The following ADGRB3 variants were observed in gnomAD, a reference collection of about 807,000 sequenced individuals.
ADGRB3 encodes adhesion G protein-coupled receptor B3.
Under a neutral mutation model 193.4 loss-of-function variants are expected in ADGRB3, and 37 were observed. The observed-to-expected ratio is 0.19, with a 90% CI of 0.15 to 0.25. ADGRB3 has a LOEUF of 0.25. Ranked by LOEUF, ADGRB3 falls within the 10% of genes least tolerant of loss-of-function variation. ADGRB3 has a pLI of 1.00. For missense variants in ADGRB3, 1,637 were observed against 1,852.9 expected, an observed-to-expected ratio of 0.88 and a Z score of 2.14; for synonymous variants, 690 against 644.2, an observed-to-expected ratio of 1.07 and a Z score of -1.08.
chr6:68,933,461 C>T lies in ADGRB3; in HGVS notation c.868+2792C>T, dbSNP rs568790720. 1.2e-4 allele frequency among the ~76,000 whole-genome samples: 18 copies of T among 152,082 alleles called. No homozygotes were observed. In the East Asian group the frequency reaches 1.4e-3, roughly 11 times the overall value. On this transcript the variant is annotated intron_variant, in intron 4 of 31. Coordinates refer to ENST00000370598, the MANE Select transcript of ADGRB3 (RefSeq NM_001704.3). ...ACGAAAAATTAGCTGGGTGTGGTGG[C>T]GCACACCTGTAATCTCAGCTACTCA...
chr6:68,893,347 G>A (rs1766131095), intron 3 of ADGRB3, among the ~76,000 whole-genome samples: 1 of 151,896 alleles, frequency 6.6e-6, no homozygotes, highest in African/African-American at 2.4e-5. Context: ...CACTAGGAAT[G>A]AAATTGATGG....
intron 20 of ADGRB3, among the ~76,000 whole-genome samples, chr6:69,280,363 G>T (rs1043286398): frequency 1.3e-5 from 2 of 152,058 alleles, no homozygotes; most frequent in African/African-American, 4.8e-5. Flanking sequence ...ACATATATTT[G>T]ATTTCAGTCT....
chr6:69,201,735 T>C (rs1278576325), intron 17 of ADGRB3, among the ~76,000 whole-genome samples: 1 of 152,124 alleles, frequency 6.6e-6, no homozygotes, highest in African/African-American at 2.4e-5. Context: ...ATTTTGTCTC[T>C]CCTTCCATGA....
At chr6:69,140,072 A>G (rs1199678655) in intron 17 of ADGRB3, among the ~76,000 whole-genome samples, 3 of 152,204 alleles carry the variant, frequency 2.0e-5, no homozygotes, top group Admixed American at 2.0e-4. Context: ...TAGAAAAAAA[A>G]TCTCTTACAA....
At chr6:68,752,518 C>T (rs1211775284) in intron 3 of ADGRB3, among the ~76,000 whole-genome samples, 1 of 152,108 alleles carries the variant, frequency 6.6e-6, no homozygotes, top group Non-Finnish European at 1.5e-5. Flanking sequence ...GGTGATCCAC[C>T]TGCCTCGGCC....
chr6:69,300,123 A>C (rs971507810), intron 20 of ADGRB3, among the ~76,000 whole-genome samples: 2 of 151,902 alleles, frequency 1.3e-5, no homozygotes, highest in Non-Finnish European at 2.9e-5. Context: ...GATTCATCAC[A>C]ATCAAGTGAG....
At chr6:69,166,239 C>T (rs1053333453) in intron 17 of ADGRB3, among the ~76,000 whole-genome samples, 2 of 151,938 alleles carry the variant, frequency 1.3e-5, no homozygotes, top group Non-Finnish European at 2.9e-5. Context: ...GTGAGTATGA[C>T]AAAAACCACA....
chr6:69,297,368 T>TCTCTTTC lies in ADGRB3; in HGVS notation c.2815-27504_2815-27503insCTCTTTC, dbSNP rs1767846054. ...TCTCTCTCTCTCTCTCTCTCTCTCT[T>TCTCTTTC]TCTCTCTCTCTCTCTCTCTCTCTAT... On this transcript the variant is annotated intron_variant, in intron 20 of 31. Coordinates refer to ENST00000370598, the MANE Select transcript of ADGRB3 (RefSeq NM_001704.3). Among the ~76,000 whole-genome samples, 107 of 97,632 alleles carry TCTCTTTC rather than the reference T, an allele frequency of 1.1e-3. 1 individual carries two copies. The highest frequency in any genetic ancestry group is 3.5e-3 in the African/African-American group (90 of 25,400). The allele number at this position is 97,632 out of a possible 152,430, so 64.1% of individuals were successfully genotyped here.
intron 30 of ADGRB3, among the ~76,000 whole-genome samples, chr6:69,379,312 C>T (rs529817452): frequency 9.9e-5 from 15 of 151,860 alleles, no homozygotes; most frequent in African/African-American, 2.2e-4. Context: ...CTTTAAAAAA[C>T]GGGTGCTTAA....
At position 69,352,043 on chromosome 6, in the gene ADGRB3, G is replaced by A. The variant is rs192615187; in HGVS notation, c.3460-2190G>A. 2.0e-4 allele frequency among the ~76,000 whole-genome samples: 30 copies of A among 152,250 alleles called. No homozygotes were observed. The East Asian group carries it at 4.8e-3, about 24-fold the overall frequency. On this transcript the variant is annotated intron_variant, in intron 26 of 31. Coordinates refer to ENST00000370598, the MANE Select transcript of ADGRB3 (RefSeq NM_001704.3). The stretch of plus-strand genomic sequence containing the variant: ...CTTTCTTTAATAGTTGCCTTGAGGT[G>A]CAAACAGAAAGTTAATATGTACCTA...
chr6:68,817,789 C>T (rs1430428442), intron 3 of ADGRB3, among the ~76,000 whole-genome samples: 2 of 152,060 alleles, frequency 1.3e-5, no homozygotes, highest in Admixed American at 6.6e-5. Context: ...CAACTAAAAA[C>T]AGTGGTATTG....
intron 19 of ADGRB3, among the ~76,000 whole-genome samples, chr6:69,238,734 C>G (rs985813154): frequency 6.6e-6 from 1 of 151,524 alleles, no homozygotes; most frequent in Non-Finnish European, 1.5e-5. Flanking sequence ...TATGATAATG[C>G]TAAACATACA....
intron 3 of ADGRB3, among the ~76,000 whole-genome samples, chr6:68,912,038 G>C (rs941556143): frequency 2.6e-5 from 4 of 152,072 alleles, no homozygotes; most frequent in African/African-American, 9.7e-5. Flanking sequence ...GTATGATTCA[G>C]TTGTGACCTT....
At position 69,060,220 on chromosome 6, in the gene ADGRB3, TTCTCTC is replaced by T. The variant is rs556453350; in HGVS notation, c.2334-2689_2334-2684del. On this transcript the variant is annotated intron_variant, in intron 15 of 31. Transcript: ENST00000370598. ...TCTCTTTCTCTGTCTCTCTCTCTCT[TTCTCTC>T]TCTCTCTCTCTCTCTCTCTCTCTCC... Among the ~76,000 whole-genome samples the T allele has an allele frequency of 8.4e-4, 109 of 129,634 alleles. 4 individuals carry two copies. In the South Asian group the frequency reaches 0.022, roughly 26 times the overall value. 85.0% of individuals were successfully genotyped at this position (129,634 alleles called of 152,430 possible).
chr6:69,073,600 G>GGA (rs1772142920), intron 16 of ADGRB3, among the ~76,000 whole-genome samples: 1 of 152,148 alleles, frequency 6.6e-6, no homozygotes, highest in Admixed American at 6.5e-5. Flanking sequence ...CAGGAGAGAA[G>GGA]GGGCCAGGCT....
At chr6:69,000,429 C>A (rs945013442) in intron 11 of ADGRB3, among the ~76,000 whole-genome samples, 2 of 152,162 alleles carry the variant, frequency 1.3e-5, no homozygotes, top group Non-Finnish European at 1.5e-5. Context: ...GATGCACTAA[C>A]ATTGAACTCA....
intron 8 of ADGRB3, among the ~76,000 whole-genome samples, chr6:68,970,629 T>C (rs747703774): frequency 3.3e-5 from 5 of 152,184 alleles, no homozygotes; most frequent in Non-Finnish European, 7.3e-5. Flanking sequence ...TTATGCACCA[T>C]TGGTTCTTCT....
chr6:68,844,568 A>G (rs1350878806), intron 3 of ADGRB3, among the ~76,000 whole-genome samples: 2 of 152,208 alleles, frequency 1.3e-5, no homozygotes, highest in Non-Finnish European at 2.9e-5. Context: ...TATGATCACT[A>G]TGGAGAGCAG....
chr6:69,300,534 T>C (rs1286823144), intron 20 of ADGRB3, among the ~76,000 whole-genome samples: 2 of 151,774 alleles, frequency 1.3e-5, no homozygotes, highest in African/African-American at 4.8e-5. Flanking sequence ...ATTATCCTTA[T>C]TTGCAACAGA....
Sources: gnomAD v4.1 joint callset for allele counts (sites outside exome capture counted in the v4.1 genomes callset) on GRCh38, gnomAD v4.1.1 for gene constraint, MANE v1.5 for transcripts, NCBI Gene and HGNC (gene_info 2026-07-23, HGNC 2026-07-21) for gene names.